STK3: variants seen among roughly 807,000 people sequenced by gnomAD.
STK3 encodes serine/threonine-protein kinase 3.
STK3 carries 41 observed loss-of-function variants against 58.0 expected under a neutral mutation model. The ratio of observed to expected loss-of-function variants is 0.71; its 90% CI spans 0.55 to 0.92. STK3 has a LOEUF of 0.92. Ranked by LOEUF, STK3 falls within the 40% of genes least tolerant of loss-of-function variation. The probability of loss-of-function intolerance (pLI) is 0.00; values close to 1 mark genes in which losing one functional copy is unlikely to be tolerated. For missense variants in STK3, 479 were observed against 602.7 expected, an observed-to-expected ratio of 0.79 and a Z score of 2.15; for synonymous variants, 170 against 191.0, an observed-to-expected ratio of 0.89 and a Z score of 0.91.
At chr8:98,930,977 T>C (rs1047828817) in intron 1 of STK3, among the ~76,000 whole-genome samples, 7 of 152,200 alleles carry the variant, frequency 4.6e-5, no homozygotes, top group African/African-American at 1.7e-4. Flanking sequence ...GCTTCTGTAC[T>C]TCATTTCTCA....
intron 3 of STK3, among the ~76,000 whole-genome samples, chr8:98,868,846 G>A (rs555209003): frequency 5.3e-4 from 81 of 151,938 alleles, no homozygotes; most frequent in African/African-American, 1.5e-3. Flanking sequence ...CTGTGGTGGC[G>A]CATGCCTGTG....
intron 10 of STK3, among the ~76,000 whole-genome samples, chr8:98,511,012 G>GA (rs1286774888): frequency 6.6e-6 from 1 of 151,768 alleles, no homozygotes; most frequent in African/African-American, 2.4e-5. Flanking sequence ...TGTTATTCTA[G>GA]AAAAAAATAT....
intron 4 of STK3, among the ~76,000 whole-genome samples, chr8:98,748,927 GAAT>G (rs753242306): frequency 4.0e-5 from 6 of 151,328 alleles, no homozygotes; most frequent in Non-Finnish European, 8.9e-5. Flanking sequence ...TAAATACCAT[GAAT>G]ATTATAAACT....
At chr8:98,459,143 G>T (rs1819735573) in intron 10 of STK3, among the ~76,000 whole-genome samples, 1 of 152,240 alleles carries the variant, frequency 6.6e-6, no homozygotes, top group African/African-American at 2.4e-5. Context: ...TATGGACAAT[G>T]AAGCCGTGGC....
At chr8:98,638,415 TA>T (rs1252553334) in intron 6 of STK3, 2 of 152,204 alleles carry the variant, frequency 1.3e-5, no homozygotes, top group Non-Finnish European at 2.9e-5. Flanking sequence ...AGATGGAAAT[TA>T]TTTACTCTAA....
intron 1 of STK3, among the ~76,000 whole-genome samples, chr8:98,785,976 G>T (rs887180113): frequency 6.6e-6 from 1 of 152,134 alleles, no homozygotes; most frequent in African/African-American, 2.4e-5. Flanking sequence ...TGAATGTAGT[G>T]CCACCACAGA....
intron 10 of STK3, among the ~76,000 whole-genome samples, chr8:98,501,117 T>A (rs1318627174): frequency 1.3e-5 from 2 of 152,170 alleles, no homozygotes; most frequent in African/African-American, 2.4e-5. Flanking sequence ...CGGCATGAGA[T>A]GGTATCTCAT....
chr8:98,575,920 G>A (rs2131707921), intron 8 of STK3, among the ~76,000 whole-genome samples: 1 of 152,044 alleles, frequency 6.6e-6, no homozygotes, highest in African/African-American at 2.4e-5. Flanking sequence ...TATCTTTTTT[G>A]TTATTTCTGC....
chr8:98,935,726 A>G (rs1587870801), intron 1 of STK3, among the ~76,000 whole-genome samples: 1 of 152,112 alleles, frequency 6.6e-6, no homozygotes, highest in Non-Finnish European at 1.5e-5. Flanking sequence ...AACAGCTTAA[A>G]TTGTATACTC....
At chr8:98,846,449 C>A (rs73277870) in intron 3 of STK3, among the ~76,000 whole-genome samples, 2,878 of 152,274 alleles carry the variant, frequency 0.019, 79 homozygotes, top group African/African-American at 0.063. Context: ...ATTTATTAAG[C>A]AACTACTATG....
chr8:98,649,974 T>G (rs571422609), intron 6 of STK3, among the ~76,000 whole-genome samples: 11 of 152,326 alleles, frequency 7.2e-5, no homozygotes, highest in African/African-American at 2.4e-4. Flanking sequence ...CTAAGGATTT[T>G]CTAGTTTTTG....
intron 7 of STK3, among the ~76,000 whole-genome samples, chr8:98,590,036 G>T (rs1261695418): frequency 6.6e-6 from 1 of 152,194 alleles, no homozygotes; most frequent in Non-Finnish European, 1.5e-5. Context: ...ACCTCAGATG[G>T]AAATGCAGAA....
At chr8:98,768,909 T>C (rs1388939337) in intron 2 of STK3, among the ~76,000 whole-genome samples, 2 of 152,142 alleles carry the variant, frequency 1.3e-5, no homozygotes. Flanking sequence ...CAGACTGAGG[T>C]AGTTGGTGGG....
intron 10 of STK3, among the ~76,000 whole-genome samples, chr8:98,510,094 C>G (rs1824386199): frequency 6.6e-6 from 1 of 151,962 alleles, no homozygotes. Flanking sequence ...GGGTTACACA[C>G]AACTATAAAT....
intron 1 of STK3, among the ~76,000 whole-genome samples, chr8:98,907,026 T>C (rs889960485): frequency 2.1e-5 from 3 of 145,592 alleles, no homozygotes; most frequent in Non-Finnish European, 4.4e-5. Flanking sequence ...GGCATGGTGG[T>C]ATGCACCTGT....
chr8:98,854,791 C>T (rs1410352461), intron 3 of STK3, among the ~76,000 whole-genome samples: 1 of 152,174 alleles, frequency 6.6e-6, no homozygotes, highest in Non-Finnish European at 1.5e-5. Context: ...CACGGTGGCT[C>T]ACACCTGTAA....
At chr8:98,798,723 T>TG (rs2131613322) in intron 1 of STK3, among the ~76,000 whole-genome samples, 2 of 152,316 alleles carry the variant, frequency 1.3e-5, no homozygotes, top group South Asian at 4.1e-4. Flanking sequence ...TATTAAAAGG[T>TG]GGGGTACTTT....
intron 3 of STK3, among the ~76,000 whole-genome samples, chr8:98,408,326 C>A (rs563677790): frequency 1.9e-4 from 29 of 152,234 alleles, no homozygotes; most frequent in African/African-American, 7.0e-4. Flanking sequence ...TTATTTTCCA[C>A]CACAACAATA....
At chr8:98,503,533 G>C (rs1823795408) in intron 10 of STK3, among the ~76,000 whole-genome samples, 2 of 152,138 alleles carry the variant, frequency 1.3e-5, no homozygotes, top group South Asian at 2.1e-4. Flanking sequence ...TCTCTTGTGG[G>C]CATTTAGTGC....
Sources: gnomAD v4.1 joint callset for allele counts (sites outside exome capture counted in the v4.1 genomes callset) on GRCh38, gnomAD v4.1.1 for gene constraint, MANE v1.5 for transcripts, NCBI Gene and HGNC (gene_info 2026-07-23, HGNC 2026-07-21) for gene names.